ATP5IF1: variants seen among roughly 807,000 people sequenced by gnomAD.
ATP5IF1 encodes the protein ATPase inhibitor, mitochondrial.
ATP5IF1 carries 12 observed loss-of-function variants against 8.5 expected under a neutral mutation model. That is an observed-to-expected ratio of 1.41 (90% CI 0.90 to 2.28). The LOEUF is 2.28. ATP5IF1 is among the 30% of genes most tolerant of loss of function. The pLI is 0.00. For synonymous variants in ATP5IF1, 51 were observed against 53.4 expected (o/e 0.96, Z 0.19); for missense variants, 154 against 140.2 (o/e 1.10, Z -0.50).
chr1:28,237,869 A>G lies in ATP5IF1; in HGVS notation c.212A>G (p.Lys71Arg). The G allele has an allele frequency of 6.2e-7, 1 of 1,614,212 alleles. No individual in the cohort carries two copies. The highest frequency in any genetic ancestry group is 8.5e-7 in the Non-Finnish European group (1 of 1,180,042). Residue 71 changes from lysine to arginine, a missense_variant, in exon 3 of 3, where the codon AAA becomes AGA. Coordinates refer to ENST00000335514, the MANE Select transcript of ATP5IF1 (RefSeq NM_016311.5). ...AQSREQLAAL[K>R]KHHEEEIVHH... ...AGTAGAGAACAACTGGCAGCTTTGA[A>G]AAAACACCATGAAGAAGAAATCGTT... is the stretch of plus-strand genomic sequence containing the variant.
chr1:28,237,163 CT>C (rs1267629915), intron 2 of ATP5IF1: 1 of 991,720 alleles, frequency 1.0e-6, no homozygotes, highest in Non-Finnish European at 1.2e-6. Flanking sequence ...ATTAATCTTG[CT>C]TTTGCTTGTC....
rs1243092376 is a variant in ATP5IF1 at position 28,236,745 on chromosome 1, G to A, written c.179+293G>A. 4.5e-6 allele frequency: 6 copies of A among 1,331,412 alleles called. No homozygotes were observed. The Admixed American group carries it at 9.2e-5, about 20-fold the overall frequency. The allele number at this position is 1,331,412 out of a possible 1,614,324, so 82.5% of individuals were successfully genotyped here. On this transcript the variant is annotated intron_variant, in intron 2 of 2. Coordinates refer to ENST00000335514, the MANE Select transcript of ATP5IF1 (RefSeq NM_016311.5). The stretch of plus-strand genomic sequence containing the variant: ...CCTTTATCATTACCATCTCCCGCGT[G>A]GAGTTCTCCTCAGGTCGTGCGAAAC...
intron 2 of ATP5IF1, chr1:28,236,774 C>T (rs968846184): frequency 1.6e-6 from 2 of 1,272,352 alleles, no homozygotes; most frequent in Non-Finnish European, 2.0e-6. Flanking sequence ...GCGAAACACC[C>T]CCAGATTCTT....
chr1:28,236,977 T>C (rs1647043069), intron 2 of ATP5IF1: 1 of 1,045,258 alleles, frequency 9.6e-7, no homozygotes, highest in Admixed American at 5.0e-5. Context: ...TGGGAGCTGG[T>C]CATGGGAGCT....
chr1:28,236,537 T>C (rs769171710), intron 2 of ATP5IF1, 85 bp downstream of exon 2: 945 of 1,594,244 alleles, frequency 5.9e-4, no homozygotes, highest in Non-Finnish European at 7.8e-4. Context: ...CACCCGTTCC[T>C]ACCTGGTGCC....
At position 28,237,819 on chromosome 1, in the gene ATP5IF1, GCCA is replaced by G; in HGVS notation, c.180-15_180-13del. 4 of 1,614,168 alleles carry G rather than the reference GCCA, an allele frequency of 2.5e-6. No homozygotes were observed. Among genetic ancestry groups the G allele is most frequent in the Non-Finnish European group, 3.4e-6 (4 of 1,180,024 alleles). ...GTGAAGGATTGAAATTAAACCCTGA[GCCA>G]CCGTGTCCTTGTAGAGCACAGAGTA... On this transcript the variant is annotated splice_polypyrimidine_tract_variant and intron_variant, in intron 2 of 2. Coordinates refer to ENST00000335514, the MANE Select transcript of ATP5IF1 (RefSeq NM_016311.5).
At chr1:28,236,704 C>T in intron 2 of ATP5IF1, 1 of 1,416,190 alleles carries the variant, frequency 7.1e-7, no homozygotes, top group South Asian at 1.4e-5. Context: ...CCAAAACAAC[C>T]CACGGCTCAA....
Position 28,237,867 on chromosome 1 carries a change from G to GA in ATP5IF1, c.216dup (p.His73ThrfsTer3). 3.1e-6 allele frequency: 5 copies of GA among 1,614,028 alleles called. No individual in the cohort carries two copies. The highest frequency in any genetic ancestry group is 1.1e-5 in the South Asian group (1 of 91,062). ...AGAGTAGAGAACAACTGGCAGCTTT[G>GA]AAAAAACACCATGAAGAAGAAATCG... is the stretch of plus-strand genomic sequence containing the variant. On this transcript the variant is annotated frameshift_variant, in exon 3 of 3. Coordinates refer to ENST00000335514, the MANE Select transcript of ATP5IF1 (RefSeq NM_016311.5). LOFTEE classifies it high-confidence loss of function.
chr1:28,237,517 CT>C (rs575585835), intron 2 of ATP5IF1: 277 of 1,348,336 alleles, frequency 2.1e-4, no homozygotes, highest in Admixed American at 1.4e-3. Context: ...CATTTTGTTC[CT>C]TTTTTTTTCC....
At position 28,236,276 on chromosome 1, in the gene ATP5IF1, C is replaced by T. The variant is rs934573399; in HGVS notation, c.87+6C>T. The T allele has an allele frequency of 6.2e-6, 10 of 1,614,038 alleles. No homozygotes were observed. The African/African-American group carries it at 1.3e-4, about 22-fold the overall frequency. On this transcript the variant is annotated splice_donor_region_variant and intron_variant, in intron 1 of 2. Coordinates refer to ENST00000335514, the MANE Select transcript of ATP5IF1 (RefSeq NM_016311.5). The stretch of plus-strand genomic sequence containing the variant: ...GAGGCTTCGGCTCGGATCAGGTACG[C>T]TGCGGCAGTGTCCGCTGCTCCAGCC...
intron 2 of ATP5IF1, chr1:28,236,897 T>C (rs1167844435): frequency 4.5e-6 from 5 of 1,115,976 alleles, no homozygotes; most frequent in Non-Finnish European, 5.5e-6. Context: ...ACGCCTTAGC[T>C]TTGCAAGCCT....
At chr1:28,237,741 A>G (rs8559) in intron 2 of ATP5IF1, 96 bp from the exon 3 acceptor site, 575,638 of 1,612,382 alleles carry the variant, frequency 0.36, 109,955 homozygotes, top group African/African-American at 0.69. Context: ...ATGGAATTGG[A>G]ACTCCTATTC....
rs201123839 is a variant in ATP5IF1, at chr1:28,236,372, C to T, written c.99C>T (p.Val33=). 6.2e-7 allele frequency: 1 copy of T among 1,614,200 alleles called. No homozygotes were observed. Among genetic ancestry groups the T allele is most frequent in the East Asian group, 2.2e-5 (1 of 44,876 alleles). Residue 33 remains valine (V), a synonymous_variant, in exon 2 of 3, where the codon GTC becomes GTT. Coordinates refer to ENST00000335514, the MANE Select transcript of ATP5IF1 (RefSeq NM_016311.5). ...CTGTCTCTCTGCAGTCCGAGAATGT[C>T]GACCGGGGCGCGGGCTCCATCCGGG... ...RGFGSDQSEN[V]DRGAGSIREA... is the part of the protein sequence containing the mutation.
At chr1:28,236,890 C>G in intron 2 of ATP5IF1, 1 of 1,122,498 alleles carries the variant, frequency 8.9e-7, no homozygotes, top group Non-Finnish European at 1.1e-6. Flanking sequence ...CGCCAGCACG[C>G]CTTAGCTTTG....
chr1:28,236,894 AG>A, intron 2 of ATP5IF1: 1 of 1,120,126 alleles, frequency 8.9e-7, no homozygotes, highest in Middle Eastern at 4.2e-4. Flanking sequence ...AGCACGCCTT[AG>A]CTTTGCAAGC....
chr1:28,237,839 C>A lies in ATP5IF1; in HGVS notation c.182C>A (p.Ala61Glu). 6.2e-7 allele frequency: 1 copy of A among 1,614,110 alleles called. No homozygotes were observed. Among genetic ancestry groups the A allele is most frequent in the Non-Finnish European group, 8.5e-7 (1 of 1,180,032 alleles). The change falls in exon 3 of 3, where the codon GCA becomes GAA. Residue 61 changes from alanine (A) to glutamate (E), a missense_variant and splice_region_variant. By Grantham distance (107) the Ala-to-Glu change is moderately radical. Coordinates refer to ENST00000335514, the MANE Select transcript of ATP5IF1 (RefSeq NM_016311.5). The part of the protein sequence containing the change: ...EQAEEERYFR[A>E]QSREQLAALK... ...CCTGAGCCACCGTGTCCTTGTAGAG[C>A]ACAGAGTAGAGAACAACTGGCAGCT... is the stretch of plus-strand genomic sequence containing the variant.
intron 2 of ATP5IF1, chr1:28,237,503 T>C: frequency 6.6e-6 from 9 of 1,358,090 alleles, no homozygotes; most frequent in Non-Finnish European, 8.5e-6. Context: ...TTGTCTGTCT[T>C]CCTCATTTTG....
At position 28,236,271 on chromosome 1, in the gene ATP5IF1, G is replaced by C. The variant is rs1647033885; in HGVS notation, c.87+1G>C. ...AGCCCGAGGCTTCGGCTCGGATCAG[G>C]TACGCTGCGGCAGTGTCCGCTGCTC... On this transcript the variant is annotated splice_donor_variant, in intron 1 of 2. Coordinates refer to ENST00000335514, the MANE Select transcript of ATP5IF1 (RefSeq NM_016311.5). LOFTEE classifies it high-confidence loss of function. 4.3e-6 allele frequency: 7 copies of C among 1,614,018 alleles called. No individual in the cohort carries two copies. The highest frequency in any genetic ancestry group is 1.6e-4 in the Middle Eastern group (1 of 6,084).
At chr1:28,236,337 A>T (rs1253365941) in intron 1 of ATP5IF1, 24 bp from the exon 2 acceptor site, 3 of 1,614,154 alleles carry the variant, frequency 1.9e-6, no homozygotes. Flanking sequence ...CCGTACCTTT[A>T]CCAGTGTCCC....
Sources: allele counts gnomAD v4.1 joint callset, GRCh38; gene constraint gnomAD v4.1.1; transcripts MANE v1.5; gene names NCBI Gene and HGNC (gene_info 2026-07-23, HGNC 2026-07-21).